The following PKHD1 variants were observed in gnomAD, a reference collection of about 807,000 sequenced individuals.
PKHD1 encodes the protein PKHD1 ciliary IPT domain containing fibrocystin/polyductin.
PKHD1 carries 291 observed loss-of-function variants against 412.0 expected under a neutral mutation model. The observed-to-expected ratio is 0.71, with a 90% CI of 0.64 to 0.78. The LOEUF (loss-of-function observed/expected upper bound fraction) is 0.78, where lower values mean the gene tolerates loss of function less well. Ranked by LOEUF, PKHD1 falls within the 30% of genes least tolerant of loss-of-function variation. The probability of loss-of-function intolerance (pLI) is 0.00; values close to 1 mark genes in which losing one functional copy is unlikely to be tolerated. For synonymous variants in PKHD1, 1,777 were observed against 1,821.5 expected (o/e 0.98, Z 0.62); for missense variants, 4,825 against 4,950.7 (o/e 0.97, Z 0.76).
chr6:52,041,465 G>C (rs534389006), intron 27 of PKHD1, among the ~76,000 whole-genome samples: 9 of 152,282 alleles, frequency 5.9e-5, no homozygotes, highest in African/African-American at 1.9e-4. Flanking sequence ...GGCTAAATGG[G>C]ATGGGCCAAT....
At chr6:51,998,716 G>A (rs555904733) in intron 35 of PKHD1, among the ~76,000 whole-genome samples, 3 of 151,432 alleles carry the variant, frequency 2.0e-5, no homozygotes, top group South Asian at 2.1e-4. Flanking sequence ...TACCCTTCAG[G>A]GTAGTTTATT....
At chr6:52,020,276 C>A (rs1358828844) in intron 33 of PKHD1, among the ~76,000 whole-genome samples, 2 of 152,210 alleles carry the variant, frequency 1.3e-5, no homozygotes, top group Admixed American at 6.5e-5. Context: ...CACACACACA[C>A]CCCTTGGGAT....
At chr6:52,028,558 C>G (rs575980437) in intron 29 of PKHD1, among the ~76,000 whole-genome samples, 34 of 151,684 alleles carry the variant, frequency 2.2e-4, no homozygotes, top group Non-Finnish European at 1.5e-4. Context: ...TTCTGTCACC[C>G]AGGAGTGCTG....
chr6:52,086,321 G>T (rs542182224), intron 1 of PKHD1, among the ~76,000 whole-genome samples: 1 of 151,978 alleles, frequency 6.6e-6, no homozygotes, highest in South Asian at 2.1e-4. Flanking sequence ...ATGATAGCCA[G>T]ACTGGTCTTG....
At chr6:51,967,654 ATGTGTGTGTG>A (rs35495373) in intron 35 of PKHD1, among the ~76,000 whole-genome samples, 2 of 147,152 alleles carry the variant, frequency 1.4e-5, no homozygotes, top group African/African-American at 5.2e-5. Context: ...GTGTGTGTGT[ATGTGTGTGTG>A]TGTGTGTGTG....
intron 4 of PKHD1, 55 bp downstream of exon 4, chr6:52,082,337 A>T: frequency 1.9e-6 from 3 of 1,570,944 alleles, no homozygotes; most frequent in Non-Finnish European, 2.6e-6. Flanking sequence ...AAAGATACTG[A>T]GATAAGCAAA....
chr6:52,028,215 C>T lies in PKHD1; in HGVS notation c.3501G>A (p.Leu1167=), dbSNP rs1438443673. 6.2e-7 allele frequency: 1 copy of T among 1,614,192 alleles called. No individual in the cohort carries two copies. The highest frequency in any genetic ancestry group is 8.5e-7 in the Non-Finnish European group (1 of 1,180,016). Residue 1167 remains leucine, a synonymous_variant, in exon 30 of 67, where the codon CTG becomes CTA. Coordinates refer to ENST00000371117, the MANE Select transcript of PKHD1 (RefSeq NM_138694.4). ...CGGAAATTCTGTGGAGACCAGCTGGCAGTGGGGGCAGTGCCACCTCCAGGC... is the reference window on the plus strand; with the variant it reads ...CGGAAATTCTGTGGAGACCAGCTGGTAGTGGGGGCAGTGCCACCTCCAGGC... ...AWGLEVALPP[L]PAGLHRISVS...
At chr6:52,077,274 T>G (rs1811455552) in intron 5 of PKHD1, among the ~76,000 whole-genome samples, 1 of 152,172 alleles carries the variant, frequency 6.6e-6, no homozygotes, top group Non-Finnish European at 1.5e-5. Context: ...CTAAGATTAG[T>G]GCATTACTCC....
rs1263252091 is a variant in PKHD1, at chr6:52,035,587, T to G, written c.3228+4A>C. On this transcript the variant is annotated splice_donor_region_variant and intron_variant, in intron 28 of 66. Coordinates refer to ENST00000371117, the MANE Select transcript of PKHD1 (RefSeq NM_138694.4). Reference sequence around the variant, plus strand: ...AGAAAGAGATATGAAAGGAATCCACTTACCCTGGGTGGAACTTTGCACTGA... The same window carrying G: ...AGAAAGAGATATGAAAGGAATCCACGTACCCTGGGTGGAACTTTGCACTGA... 3 of 1,613,700 alleles carry G rather than the reference T, an allele frequency of 1.9e-6. No individual in the cohort carries two copies.
intron 53 of PKHD1, among the ~76,000 whole-genome samples, chr6:51,790,787 A>G (rs1197209887): frequency 6.6e-6 from 1 of 152,202 alleles, no homozygotes; most frequent in Admixed American, 6.6e-5. Flanking sequence ...GTGCTAGCAC[A>G]TAGCTTTGCT....
chr6:51,906,475 C>A, intron 40 of PKHD1, 135 bp from the exon 41 acceptor site: 1 of 716,384 alleles, frequency 1.4e-6, no homozygotes, highest in South Asian at 1.5e-5. Context: ...AAGTTAGAAG[C>A]AGCAATCGAA....
chr6:51,639,071 A>G (rs1303512823), intron 63 of PKHD1, 115 bp from the exon 64 acceptor site: 2 of 807,622 alleles, frequency 2.5e-6, no homozygotes, highest in African/African-American at 1.7e-5. Flanking sequence ...TTTAAACTCA[A>G]AGAGGTTACC....
In PKHD1 at chr6:52,042,364, C is replaced by T. The variant is rs187226913; in HGVS notation, c.3097+495G>A. Among the ~76,000 whole-genome samples, 125 of 152,294 alleles carry T rather than the reference C, an allele frequency of 8.2e-4. No individual in the cohort carries two copies. The South Asian group carries it at 9.1e-3, about 11-fold the overall frequency. On this transcript the variant is annotated intron_variant, in intron 27 of 66. Transcript: ENST00000371117. The stretch of plus-strand genomic sequence containing the variant: ...TTATGCTCTAATGTTTATTCGTTAA[C>T]AAACATAAGCATCAGTATTCCTGAG...
At chr6:51,650,829 T>C (rs1160175207) in intron 61 of PKHD1, among the ~76,000 whole-genome samples, 3 of 152,174 alleles carry the variant, frequency 2.0e-5, no homozygotes, top group African/African-American at 4.8e-5. Flanking sequence ...CATCATTTCT[T>C]AGTTTGTTTA....
intron 52 of PKHD1, among the ~76,000 whole-genome samples, chr6:51,824,801 C>G (rs1767049156): frequency 6.6e-6 from 1 of 152,106 alleles, no homozygotes; most frequent in Admixed American, 6.6e-5. Flanking sequence ...AGAAGAGGCT[C>G]TGGTCACACA....
intron 49 of PKHD1, among the ~76,000 whole-genome samples, chr6:51,848,903 ATT>A (rs776188796): frequency 2.4e-4 from 24 of 98,086 alleles, no homozygotes; most frequent in African/African-American, 9.2e-4. Flanking sequence ...CCTCATGGCC[ATT>A]TTTTTTTTTT....
intron 65 of PKHD1, 85 bp downstream of exon 65, chr6:51,632,480 G>A (rs546410034): frequency 1.1e-5 from 13 of 1,183,538 alleles, no homozygotes; most frequent in Middle Eastern, 2.1e-4. Flanking sequence ...TGTCTTTGGG[G>A]AAAGAAACAG....
In PKHD1 at chr6:52,025,425, G is replaced by A. The variant is rs1482049107; in HGVS notation, c.4385C>T (p.Thr1462Ile). The A allele has an allele frequency of 3.1e-6, 5 of 1,607,812 alleles. No homozygotes were observed. Among genetic ancestry groups the A allele is most frequent in the South Asian group, 1.1e-5 (1 of 90,378 alleles). ...LPGASFSLNV[T>I]VLVNGLTSEC... ...GCTGGTTAGCCCATTGACCAGGACT[G>A]TGACGTTCAGGGAGAAGGAAGCTCC... Residue 1462 changes from threonine (T) to isoleucine (I), a missense_variant, in exon 32 of 67, where the codon ACA (threonine) becomes ATA (isoleucine). Coordinates refer to ENST00000371117, the MANE Select transcript of PKHD1 (RefSeq NM_138694.4).
At position 52,055,709 on chromosome 6, in the gene PKHD1, C is replaced by G; in HGVS notation, c.1714G>C (p.Asp572His). Residue 572 changes from aspartate to histidine, a missense_variant, in exon 19 of 67, where the codon GAT becomes CAT. Asp to His is a moderately conservative substitution (Grantham distance 81). Coordinates refer to ENST00000371117, the MANE Select transcript of PKHD1 (RefSeq NM_138694.4). The stretch of plus-strand genomic sequence containing the variant: ...TCCGTCCCACTGGTGAGGTCCCCAT[C>G]AGAGTTGGAAACTTCTGGGCCTGGA... ...FERGPEVSNSDGDLTSGTEPF... is the reference protein window; with the variant it reads ...FERGPEVSNSHGDLTSGTEPF... 6.2e-7 allele frequency: 1 copy of G among 1,613,908 alleles called. No individual in the cohort carries two copies. The highest frequency in any genetic ancestry group is 8.5e-7 in the Non-Finnish European group (1 of 1,179,830).
Sources: allele counts gnomAD v4.1 joint callset (sites outside exome capture counted in the v4.1 genomes callset), GRCh38; gene constraint gnomAD v4.1.1; transcripts MANE v1.5; gene names NCBI Gene and HGNC (gene_info 2026-07-23, HGNC 2026-07-21).